Variants in FAT3 observed in about 807,000 individuals in gnomAD.
The protein encoded by FAT3 is FAT atypical cadherin 3, also known as protocadherin Fat 3.
In FAT3, 95 loss-of-function variants were observed where a neutral mutation model predicts 310.2. That is an observed-to-expected ratio of 0.31 (90% CI 0.26 to 0.36). The LOEUF (loss-of-function observed/expected upper bound fraction) is 0.36. FAT3 is among the 10% of genes least tolerant of loss of function. The probability of loss-of-function intolerance (pLI) is 1.00; values close to 1 mark genes in which losing one functional copy is unlikely to be tolerated. For missense variants in FAT3, 5,408 were observed against 5,715.6 expected (o/e 0.95, Z 1.74); for synonymous variants, 2,314 against 2,192.9 (o/e 1.06, Z -1.54).
intron 3 of FAT3, among the ~76,000 whole-genome samples, chr11:92,547,275 G>T (rs933778254): frequency 6.6e-6 from 1 of 152,134 alleles, no homozygotes; most frequent in Non-Finnish European, 1.5e-5. Context: ...TTGCCATATT[G>T]CATTCTTCAA....
At chr11:92,381,224 G>A (rs1307040406) in intron 2 of FAT3, among the ~76,000 whole-genome samples, 1 of 152,172 alleles carries the variant, frequency 6.6e-6, no homozygotes, top group African/African-American at 2.4e-5. Flanking sequence ...ATATCTAGGA[G>A]TTGGGCCAGG....
At chr11:92,838,327 A>C (rs1175531410) in intron 17 of FAT3, among the ~76,000 whole-genome samples, 2 of 152,208 alleles carry the variant, frequency 1.3e-5, no homozygotes, top group Non-Finnish European at 2.9e-5. Context: ...ACTCATTAAA[A>C]TTAATCTTCC....
intron 2 of FAT3, among the ~76,000 whole-genome samples, chr11:92,399,768 C>T (rs941721784): frequency 2.6e-5 from 4 of 152,182 alleles, no homozygotes; most frequent in South Asian, 2.1e-4. Context: ...CTTTTAACAA[C>T]CACTTACGCA....
chr11:92,334,818 T>G (rs1390153566), intron 1 of FAT3, among the ~76,000 whole-genome samples: 1 of 152,066 alleles, frequency 6.6e-6, no homozygotes, highest in Non-Finnish European at 1.5e-5. Flanking sequence ...CTGTTCAGAG[T>G]TTCTCTCTTC....
In FAT3 at chr11:92,861,912, G is replaced by A. The variant is rs3902453; in HGVS notation, c.11658+2590G>A. On this transcript the variant is annotated intron_variant, in intron 21 of 27. Transcript: ENST00000525166. ...AAAAAGTACTTAAAGTACTCAGTGG[G>A]GTGAAGGGCGCCCCTTACAGACAAT... Among the ~76,000 whole-genome samples the A allele has an allele frequency of 3.8e-3, 572 of 152,270 alleles. 3 individuals are homozygous for A. Among genetic ancestry groups the A allele is most frequent in the Non-Finnish European group, 6.0e-3 (406 of 68,022 alleles).
At chr11:92,340,493 T>C (rs765980346) in intron 1 of FAT3, among the ~76,000 whole-genome samples, 1 of 152,194 alleles carries the variant, frequency 6.6e-6, no homozygotes, top group Non-Finnish European at 1.5e-5. Context: ...CATGTTCTGT[T>C]TGAACCGTCT....
intron 2 of FAT3, among the ~76,000 whole-genome samples, chr11:92,497,035 C>T (rs993373521): frequency 3.9e-5 from 6 of 152,004 alleles, no homozygotes; most frequent in Non-Finnish European, 7.4e-5. Context: ...AAGTGTATTT[C>T]GAATGGAACC....
chr11:92,587,490 CA>C (rs1216901455), intron 3 of FAT3, among the ~76,000 whole-genome samples: 1 of 151,886 alleles, frequency 6.6e-6, no homozygotes, highest in African/African-American at 2.4e-5. Context: ...TAAATGTCAC[CA>C]AATTATTTGT....
chr11:92,654,789 A>C (rs1377327371), intron 3 of FAT3, among the ~76,000 whole-genome samples: 2 of 152,182 alleles, frequency 1.3e-5, no homozygotes, highest in Non-Finnish European at 2.9e-5. Flanking sequence ...ATAGCAGCTA[A>C]AGTAATCTTT....
intron 1 of FAT3, among the ~76,000 whole-genome samples, chr11:92,319,003 C>T (rs1947538704): frequency 6.6e-6 from 1 of 152,166 alleles, no homozygotes; most frequent in African/African-American, 2.4e-5. Context: ...AACAAACATC[C>T]TCTTCTCATG....
At chr11:92,704,133 C>T (rs1372308514) in intron 4 of FAT3, among the ~76,000 whole-genome samples, 1 of 152,160 alleles carries the variant, frequency 6.6e-6, no homozygotes, top group East Asian at 1.9e-4. Flanking sequence ...AATGGATTGA[C>T]CCAGGTGTCA....
intron 3 of FAT3, among the ~76,000 whole-genome samples, chr11:92,571,087 A>G (rs916550953): frequency 6.6e-6 from 1 of 152,014 alleles, no homozygotes; most frequent in Admixed American, 6.6e-5. Context: ...TAAAATCCAA[A>G]CCTTTTCTTA....
rs1196075757 is a variant in FAT3, at chr11:92,834,948, G to A, written c.9950G>A (p.Gly3317Asp). ...CTGGTAGTGGAAGCCAAAGATGGGG[G>A]CACCCCAGCTCTCAGCGCTGTGGCC... Reference protein sequence around the residue: ...FYLVVEAKDGGTPALSAVATV... With the variant: ...FYLVVEAKDGDTPALSAVATV... Residue 3317 changes from glycine to aspartate, a missense_variant, in exon 15 of 28, where the codon GGC becomes GAC. By Grantham distance (94) the Gly-to-Asp change is moderately conservative. Coordinates refer to ENST00000525166, the MANE Select transcript of FAT3 (RefSeq NM_001367949.2). The A allele has an allele frequency of 8.1e-6, 13 of 1,613,070 alleles. No homozygotes were observed. Among genetic ancestry groups the A allele is most frequent in the Non-Finnish European group, 9.3e-6 (11 of 1,179,550 alleles).
intron 2 of FAT3, among the ~76,000 whole-genome samples, chr11:92,413,883 GAC>G (rs1244603486): frequency 9.2e-5 from 14 of 152,310 alleles, no homozygotes; most frequent in African/African-American, 3.4e-4. Flanking sequence ...TCACGAAACA[GAC>G]ACAGTTTTAT....
intron 3 of FAT3, among the ~76,000 whole-genome samples, chr11:92,601,912 C>T (rs1249286101): frequency 1.3e-5 from 2 of 151,918 alleles, no homozygotes; most frequent in African/African-American, 4.8e-5. Flanking sequence ...CATTTACTGC[C>T]GTGTGCCTTT....
At chr11:92,781,439 C>G (rs1435981008) in intron 7 of FAT3, among the ~76,000 whole-genome samples, 2 of 151,992 alleles carry the variant, frequency 1.3e-5, no homozygotes, top group African/African-American at 4.8e-5. Flanking sequence ...ACACTCATTT[C>G]CAGTGAGAAA....
chr11:92,623,930 G>T (rs974416338), intron 3 of FAT3, among the ~76,000 whole-genome samples: 1 of 151,918 alleles, frequency 6.6e-6, no homozygotes, highest in African/African-American at 2.4e-5. Context: ...ATGACAAAGC[G>T]AGACTCTGCC....
intron 3 of FAT3, among the ~76,000 whole-genome samples, chr11:92,594,180 T>C (rs1028532730): frequency 1.3e-5 from 2 of 152,134 alleles, no homozygotes; most frequent in African/African-American, 4.8e-5. Context: ...CAGTGGTGCA[T>C]GCCTGTAATC....
chr11:92,535,709 G>C (rs1267911879), intron 3 of FAT3, among the ~76,000 whole-genome samples: 1 of 152,168 alleles, frequency 6.6e-6, no homozygotes, highest in African/African-American at 2.4e-5. Context: ...TAAAAGGGTA[G>C]AAGTTGGATG....
Sources: allele counts gnomAD v4.1 joint callset (sites outside exome capture counted in the v4.1 genomes callset), GRCh38; gene constraint gnomAD v4.1.1; transcripts MANE v1.5; gene names NCBI Gene and HGNC (gene_info 2026-07-23, HGNC 2026-07-21).